VPS13A: variants seen among roughly 807,000 people sequenced by gnomAD.
VPS13A encodes vacuolar protein sorting 13 homolog A.
VPS13A carries 264 observed loss-of-function variants against 390.9 expected under a neutral mutation model. The observed-to-expected ratio is 0.68, with a 90% CI of 0.61 to 0.75. The LOEUF (loss-of-function observed/expected upper bound fraction) is 0.75, where lower values mean the gene tolerates loss of function less well. Ranked by LOEUF, VPS13A falls within the 30% of genes least tolerant of loss-of-function variation. VPS13A has a pLI of 0.00. For synonymous variants in VPS13A, 1,231 were observed against 1,227.1 expected (o/e 1.00, Z -0.07); for missense variants, 3,409 against 3,733.9 (o/e 0.91, Z 2.27).
chr9:77,310,319 T>A (rs1290707041), intron 35 of VPS13A, among the ~76,000 whole-genome samples: 1 of 151,734 alleles, frequency 6.6e-6, no homozygotes, highest in Non-Finnish European at 1.5e-5. Context: ...TAAATGAGAA[T>A]GCTTTAAGGA....
At chr9:77,358,016 C>T (rs1013870801) in intron 56 of VPS13A, among the ~76,000 whole-genome samples, 178 bp downstream of exon 56, 16 of 131,384 alleles carry the variant, frequency 1.2e-4, no homozygotes, top group Non-Finnish European at 9.2e-5. Context: ...AGTGCAGTGG[C>T]GGAATCTCAG....
intron 23 of VPS13A, among the ~76,000 whole-genome samples, chr9:77,262,804 G>A (rs1044199701): frequency 2.4e-4 from 36 of 152,278 alleles, no homozygotes; most frequent in African/African-American, 8.4e-4. Flanking sequence ...TGGTATATAT[G>A]TGCAGCATTT....
intron 17 of VPS13A, among the ~76,000 whole-genome samples, chr9:77,233,132 G>C (rs1332964502): frequency 6.6e-6 from 1 of 151,792 alleles, no homozygotes; most frequent in Non-Finnish European, 1.5e-5. Context: ...ATTTCTTCTC[G>C]AGGCAGTTTT....
chr9:77,307,009 C>G (rs560241759), intron 34 of VPS13A, among the ~76,000 whole-genome samples: 98 of 150,102 alleles, frequency 6.5e-4, no homozygotes, highest in African/African-American at 2.2e-3. Context: ...CAGGTTCAAA[C>G]AATTCTCCTG....
intron 50 of VPS13A, among the ~76,000 whole-genome samples, chr9:77,343,603 C>G (rs1277601015): frequency 6.6e-6 from 1 of 152,198 alleles, no homozygotes; most frequent in Non-Finnish European, 1.5e-5. Flanking sequence ...AGTTTGGTTT[C>G]CAGATCACTC....
chr9:77,370,443 C>T lies in VPS13A; in HGVS notation c.8772C>T (p.Ile2924=), dbSNP rs1451552987. Reference sequence around the variant, plus strand: ...GATTGGCTGGTGCTGCCTCCAAAATCACCGGTGCTATGGCTAAGGGGGTAG... The same window carrying T: ...GATTGGCTGGTGCTGCCTCCAAAATTACCGGTGCTATGGCTAAGGGGGTAG... The part of the protein sequence containing the change: ...VGGLAGAASK[I]TGAMAKGVAA... The change falls in exon 65 of 72, where the codon ATC becomes ATT. Residue 2924 remains isoleucine, a synonymous_variant. Coordinates refer to ENST00000360280, the MANE Select transcript of VPS13A (RefSeq NM_033305.3). 6.2e-7 allele frequency: 1 copy of T among 1,614,148 alleles called. No homozygotes were observed. The highest frequency in any genetic ancestry group is 2.2e-5 in the East Asian group (1 of 44,884).
chr9:77,236,013 T>C (rs1185014697), intron 17 of VPS13A, among the ~76,000 whole-genome samples: 1 of 152,200 alleles, frequency 6.6e-6, no homozygotes, highest in Non-Finnish European at 1.5e-5. Context: ...AAATAGGCCT[T>C]GTGTTAGATG....
At chr9:77,194,276 G>A (rs1025152788) in intron 1 of VPS13A, among the ~76,000 whole-genome samples, 1 of 152,172 alleles carries the variant, frequency 6.6e-6, no homozygotes, top group Middle Eastern at 3.4e-3. Context: ...TGGCTGTCGG[G>A]AAGTGCTGCG....
intron 36 of VPS13A, 83 bp downstream of exon 36, chr9:77,314,202 T>TA: frequency 1.4e-6 from 2 of 1,431,522 alleles, no homozygotes; most frequent in South Asian, 1.2e-5. Context: ...AATGTTAATA[T>TA]TTAACATTTA....
intron 45 of VPS13A, among the ~76,000 whole-genome samples, chr9:77,326,527 A>G (rs73449911): frequency 4.6e-5 from 7 of 151,742 alleles, no homozygotes; most frequent in South Asian, 4.1e-4. Flanking sequence ...CCAATCTGCT[A>G]TTGACCCCAT....
In VPS13A at chr9:77,416,454, T is replaced by A. The variant is rs1307109912; in HGVS notation, c.*448T>A. 1 of 168,474 alleles carries A rather than the reference T, an allele frequency of 5.9e-6. No homozygotes were observed. Among genetic ancestry groups the A allele is most frequent in the African/African-American group, 2.4e-5 (1 of 41,554 alleles). 10.4% of individuals were successfully genotyped at this position (168,474 alleles called of 1,614,324 possible). ...GAGTGATGGGTAAGAAATCAAACATTGCCTCAGTGGTATCAAGAGAACTTT... is the reference window on the plus strand; with the variant it reads ...GAGTGATGGGTAAGAAATCAAACATAGCCTCAGTGGTATCAAGAGAACTTT... On this transcript the variant is annotated 3_prime_UTR_variant, in exon 72 of 72. Coordinates refer to ENST00000360280, the MANE Select transcript of VPS13A (RefSeq NM_033305.3).
Position 77,420,831 on chromosome 9 carries a change from C to T in VPS13A, c.*4825C>T, listed in dbSNP as rs193301652. The T allele has an allele frequency of 5.9e-5, 9 of 152,142 alleles. No homozygotes were observed. The East Asian group carries it at 7.7e-4, about 13-fold the overall frequency. 9.4% of individuals were successfully genotyped at this position (152,142 alleles called of 1,614,324 possible). The stretch of plus-strand genomic sequence containing the variant: ...AAAATCCCAACATTTCCTGTTATGC[C>T]GTCATACCTCCGGTGTTCAGTTTGT... On this transcript the variant is annotated 3_prime_UTR_variant, in exon 72 of 72. Transcript: ENST00000360280.
rs751415628 is a variant in VPS13A at position 77,339,808 on chromosome 9, T to C, written c.6671T>C (p.Met2224Thr). The C allele has an allele frequency of 6.2e-7, 1 of 1,614,120 alleles. No individual in the cohort carries two copies. The highest frequency in any genetic ancestry group is 8.5e-7 in the Non-Finnish European group (1 of 1,179,984). Residue 2224 changes from methionine (M) to threonine (T), a missense_variant, in exon 48 of 72, where the codon ATG becomes ACG. By Grantham distance (81) the Met-to-Thr change is moderately conservative. Around this residue, in one of 5 missense-constraint regions of VPS13A, gnomAD observed 2,717 missense variants for 2,917.4 expected, o/e 0.93. Coordinates refer to ENST00000360280, the MANE Select transcript of VPS13A (RefSeq NM_033305.3). ...TGGATGGTCAATAAAACTGGCCGCA[T>C]GTTACAGTACAAAGCAGACGGAATT... ...PYWMVNKTGRMLQYKADGIHR... is the reference protein window; with the variant it reads ...PYWMVNKTGRTLQYKADGIHR...
chr9:77,247,335 A>G lies in VPS13A; in HGVS notation c.1977A>G (p.Pro659=). ...INLKASYIIV[P]QDGIFSPTSN... ...TGAAGGCTTCATATATTATTGTCCCACAAGATGGAATTTTTAGTCCTACAT... is the reference window on the plus strand; with the variant it reads ...TGAAGGCTTCATATATTATTGTCCCGCAAGATGGAATTTTTAGTCCTACAT... Residue 659 remains proline, a synonymous_variant, in exon 20 of 72, where the codon CCA becomes CCG. Transcript: ENST00000360280. 1 of 1,612,672 alleles carries G rather than the reference A, an allele frequency of 6.2e-7. No homozygotes were observed. The highest frequency in any genetic ancestry group is 8.5e-7 in the Non-Finnish European group (1 of 1,179,314).
At position 77,293,340 on chromosome 9, in the gene VPS13A, G is replaced by T; in HGVS notation, c.3340-1G>T. On this transcript the variant is annotated splice_acceptor_variant, in intron 31 of 71. Coordinates refer to ENST00000360280, the MANE Select transcript of VPS13A (RefSeq NM_033305.3). LOFTEE classifies it high-confidence loss of function. ...TGATAATTAAATTTTCTCTTATTAA[G>T]GCTGTTTATATCACTGGAAAAGAAG... 1 of 1,609,376 alleles carries T rather than the reference G, an allele frequency of 6.2e-7. No individual in the cohort carries two copies.
chr9:77,295,621 G>T lies in VPS13A; in HGVS notation c.3587G>T (p.Gly1196Val). The change falls in exon 33 of 72, where the codon GGT (glycine) becomes GTT (valine). Residue 1196 changes from glycine to valine, a missense_variant. By Grantham distance (109) the Gly-to-Val change is moderately radical. Coordinates refer to ENST00000360280, the MANE Select transcript of VPS13A (RefSeq NM_033305.3). The part of the protein sequence containing the change: ...TVQAAGMAAT[G>V]VKELAQRSSR... ...CAGGCAGCTGGAATGGCTGCTACTGGTGTAAAAGAACTCGCACAAAGGAGT... is the reference window on the plus strand; with the variant it reads ...CAGGCAGCTGGAATGGCTGCTACTGTTGTAAAAGAACTCGCACAAAGGAGT... 2 of 1,613,982 alleles carry T rather than the reference G, an allele frequency of 1.2e-6. No individual in the cohort carries two copies. The highest frequency in any genetic ancestry group is 1.7e-6 in the Non-Finnish European group (2 of 1,179,932).
chr9:77,311,050 G>A (rs1196756003), intron 35 of VPS13A, among the ~76,000 whole-genome samples: 1 of 151,832 alleles, frequency 6.6e-6, no homozygotes, highest in Non-Finnish European at 1.5e-5. Flanking sequence ...TCAGCCTCCT[G>A]AGTAGCTGGG....
In VPS13A at chr9:77,366,775, T is replaced by C. The variant is rs748837673; in HGVS notation, c.8374T>C (p.Ser2792Pro). The C allele has an allele frequency of 6.2e-7, 1 of 1,613,368 alleles. No individual in the cohort carries two copies. Among genetic ancestry groups the C allele is most frequent in the Non-Finnish European group, 8.5e-7 (1 of 1,179,520 alleles). ...TTCCGGCAGAGAAGAAGCTAAAGAT[T>C]CAAAACAAAATGGAGGACTGATTCC... ...LSSGREEAKD[S>P]KQNGGLIPVH... The change falls in exon 61 of 72, where the codon TCA becomes CCA. Residue 2792 changes from serine to proline, a missense_variant. Physicochemically the swap from Ser to Pro is moderately conservative, Grantham distance 74 (BLOSUM62 -1). Coordinates refer to ENST00000360280, the MANE Select transcript of VPS13A (RefSeq NM_033305.3).
intron 17 of VPS13A, among the ~76,000 whole-genome samples, chr9:77,232,822 TGGG>T (rs376638450): frequency 5.6e-4 from 85 of 152,098 alleles, no homozygotes; most frequent in African/African-American, 2.0e-3. Flanking sequence ...TCCCACGACA[TGGG>T]GGAATTATGG....
Sources: allele counts gnomAD v4.1 joint callset (sites outside exome capture counted in the v4.1 genomes callset), GRCh38; gene constraint gnomAD v4.1.1; regional missense constraint gnomAD v4.1.1; transcripts MANE v1.5; gene names NCBI Gene and HGNC (gene_info 2026-07-23, HGNC 2026-07-21).